Variants in DIP2C observed in about 807,000 individuals in gnomAD.
DIP2C encodes the protein DIP2 acetate--CoA ligase C (putative), also known as disco-interacting protein 2 homolog C.
A neutral mutation model predicts 192.4 loss-of-function variants in DIP2C; 33 were observed. That is an observed-to-expected ratio of 0.17 (90% confidence interval 0.13 to 0.23). The LOEUF is 0.23. Among genes scored for constraint, DIP2C ranks in the 10% least tolerant of loss-of-function variants. The probability of loss-of-function intolerance (pLI) is 1.00; values close to 1 mark genes in which losing one functional copy is unlikely to be tolerated. For missense variants in DIP2C, 1,537 were observed against 2,110.1 expected, an observed-to-expected ratio of 0.73 and a Z score of 5.32; for synonymous variants, 979 against 864.1, an observed-to-expected ratio of 1.13 and a Z score of -2.33.
chr10:674,789 T>TATATAGAGAGAGAGAGAGAG, intron 1 of DIP2C, among the ~76,000 whole-genome samples: 1 of 62,484 alleles, frequency 1.6e-5, no homozygotes, highest in African/African-American at 9.0e-5. Flanking sequence ...TATATATATA[T>TATATAGAGAGAGAGAGAGAG]AGAGAGAGAG....
At chr10:456,064 A>T (rs1969266828) in intron 3 of DIP2C, among the ~76,000 whole-genome samples, 1 of 60,738 alleles carries the variant, frequency 1.6e-5, no homozygotes, top group Non-Finnish European at 2.8e-5. Context: ...GCCTGAGGGG[A>T]GACTGTGAGG....
intron 1 of DIP2C, among the ~76,000 whole-genome samples, chr10:592,285 TTG>T (rs763206088): frequency 2.0e-5 from 3 of 152,182 alleles, no homozygotes; most frequent in African/African-American, 7.2e-5. Context: ...GCGTGACAGT[TTG>T]TGTGGCTGTA....
chr10:294,669 C>T lies in DIP2C; in HGVS notation c.3987-6248G>A, dbSNP rs146371890. Among the ~76,000 whole-genome samples, 325 of 151,516 alleles carry T rather than the reference C, an allele frequency of 2.1e-3. 4 individuals are homozygous for T. The highest frequency in any genetic ancestry group is 6.8e-3 in the African/African-American group (281 of 41,332). On this transcript the variant is annotated intron_variant, in intron 32 of 36. Transcript: ENST00000280886. ...GCAAAGAGTGGGATAAATTGTTTAT[C>T]AATTTATGTCCATTCATAAAGTTTC...
chr10:502,886 C>T (rs1845337565), intron 1 of DIP2C, among the ~76,000 whole-genome samples: 1 of 152,172 alleles, frequency 6.6e-6, no homozygotes, highest in Admixed American at 6.5e-5. Context: ...CACCAATTCT[C>T]TCCACGTTGA....
intron 1 of DIP2C, among the ~76,000 whole-genome samples, chr10:495,497 C>T (rs1345291730): frequency 1.3e-5 from 2 of 151,910 alleles, no homozygotes; most frequent in African/African-American, 4.8e-5. Flanking sequence ...CTCCTCCTCC[C>T]TAAAAACTAT....
At chr10:340,915 A>C in intron 29 of DIP2C, 1 of 516,456 alleles carries the variant, frequency 1.9e-6, no homozygotes, top group Non-Finnish European at 3.8e-6. Context: ...ATAAGAACCA[A>C]GCCTGGAGCC....
chr10:553,167 A>T (rs1402111157), intron 1 of DIP2C, among the ~76,000 whole-genome samples: 1 of 152,184 alleles, frequency 6.6e-6, no homozygotes, highest in Non-Finnish European at 1.5e-5. Context: ...CCACATGGGC[A>T]CTGGGGCCCA....
intron 1 of DIP2C, among the ~76,000 whole-genome samples, chr10:505,965 G>C (rs190521262): frequency 1.3e-5 from 2 of 152,342 alleles, no homozygotes; most frequent in African/African-American, 4.8e-5. Flanking sequence ...TTCTCCTGGA[G>C]AAGTAAAGAA....
intron 1 of DIP2C, among the ~76,000 whole-genome samples, chr10:521,814 C>T (rs1303501637): frequency 1.3e-5 from 2 of 152,136 alleles, no homozygotes; most frequent in Admixed American, 6.5e-5. Flanking sequence ...ATAGCAAAAT[C>T]GGGAGGAAAG....
Position 651,736 on chromosome 10 carries a change from G to C in DIP2C, c.85+37758C>G. ...GCCCTTAGCACAGGAGTCTCTCCAA[G>C]GAAGTGGCCTGAGCTGAGAGGGGGC... On this transcript the variant is annotated intron_variant, in intron 1 of 36. Coordinates refer to ENST00000280886, the MANE Select transcript of DIP2C (RefSeq NM_014974.3). This position sits in a 1 kb window ranked among gnomAD's most constrained non-coding sequence, Gnocchi z 4.1. The C allele has an allele frequency of 3.1e-6, 1 of 320,088 alleles. No homozygotes were observed. The highest frequency in any genetic ancestry group is 6.0e-6 in the Non-Finnish European group (1 of 165,772). The allele number at this position is 320,088 out of a possible 1,614,324, so 19.8% of individuals were successfully genotyped here. A position where few individuals can be genotyped will look rare whatever the true frequency, so the allele number is the denominator to read the frequency against.
chr10:619,248 A>G (rs1853677175), intron 1 of DIP2C, among the ~76,000 whole-genome samples: 1 of 152,178 alleles, frequency 6.6e-6, no homozygotes, highest in African/African-American at 2.4e-5. Flanking sequence ...CTTCTCTATT[A>G]AATCACCCCA....
chr10:431,087 T>C (rs1175183928), intron 4 of DIP2C, among the ~76,000 whole-genome samples: 1 of 152,260 alleles, frequency 6.6e-6, no homozygotes, highest in African/African-American at 2.4e-5. Context: ...CTTTCACCAA[T>C]ACCACACTGT....
chr10:504,217 T>G (rs982275367), intron 1 of DIP2C, among the ~76,000 whole-genome samples: 14 of 152,180 alleles, frequency 9.2e-5, no homozygotes, highest in Non-Finnish European at 1.9e-4. Flanking sequence ...CACTGTCAAA[T>G]CACTGTTGTG....
intron 34 of DIP2C, among the ~76,000 whole-genome samples, chr10:284,839 T>C (rs1955015036): frequency 6.6e-6 from 1 of 152,196 alleles, no homozygotes; most frequent in Non-Finnish European, 1.5e-5. Context: ...TCACAGTGCA[T>C]TCCTTAATTT....
At chr10:343,768 T>C (rs943259686) in intron 28 of DIP2C, among the ~76,000 whole-genome samples, 1 of 152,216 alleles carries the variant, frequency 6.6e-6, no homozygotes, top group African/African-American at 2.4e-5. Context: ...CAAAGCACTA[T>C]TTCTAGGTGG....
At chr10:486,435 ATGC>A (rs770542810) in intron 2 of DIP2C, 21 bp downstream of exon 2, 8 of 1,578,240 alleles carry the variant, frequency 5.1e-6, no homozygotes, top group Non-Finnish European at 6.9e-6. Context: ...GAGAGGACTC[ATGC>A]TACTCATGGG....
chr10:664,166 G>C (rs2132098881), intron 1 of DIP2C: 1 of 150,554 alleles, frequency 6.6e-6, no homozygotes, highest in Non-Finnish European at 1.5e-5. Flanking sequence ...GAAAAGCCCG[G>C]ACACAAAGGA....
At chr10:401,033 G>C (rs1432005926) in intron 9 of DIP2C, among the ~76,000 whole-genome samples, 1 of 126,870 alleles carries the variant, frequency 7.9e-6, no homozygotes, top group Admixed American at 7.8e-5. Context: ...ACGTGTGGTA[G>C]CATTAGCATT....
chr10:595,387 T>A (rs1851642761), intron 1 of DIP2C, among the ~76,000 whole-genome samples: 1 of 152,146 alleles, frequency 6.6e-6, no homozygotes. Flanking sequence ...ATGGTTCAAC[T>A]GAATAAAATA....
Sources: gnomAD v4.1 joint callset for allele counts (sites outside exome capture counted in the v4.1 genomes callset) on GRCh38, gnomAD v4.1.1 for gene constraint, Gnocchi (gnomAD v3.1) non-coding constraint, MANE v1.5 for transcripts, NCBI Gene and HGNC (gene_info 2026-07-23, HGNC 2026-07-21) for gene names.